CCSER1: variants seen among roughly 807,000 people sequenced by gnomAD.
CCSER1 encodes the protein serine-rich coiled-coil domain-containing protein 1.
CCSER1 carries 41 observed loss-of-function variants against 82.0 expected under a neutral mutation model. The ratio of observed to expected loss-of-function variants is 0.50; its 90% CI spans 0.39 to 0.65. CCSER1 has a LOEUF of 0.65. Ranked by LOEUF, CCSER1 falls within the 30% of genes least tolerant of loss-of-function variation. The pLI, the probability that CCSER1 is intolerant of heterozygous loss-of-function variation, is 0.00. For missense variants in CCSER1, 1,119 were observed against 1,064.2 expected (o/e 1.05, Z -0.72); for synonymous variants, 414 against 383.9 (o/e 1.08, Z -0.92).
intron 5 of CCSER1, among the ~76,000 whole-genome samples, chr4:90,526,011 G>C (rs1232008604): frequency 6.6e-6 from 1 of 151,966 alleles, no homozygotes; most frequent in African/African-American, 2.4e-5. Context: ...TATCAACTTA[G>C]TTAAAAAAAT....
At chr4:91,050,387 C>T (rs1017250867) in intron 9 of CCSER1, among the ~76,000 whole-genome samples, 17 of 149,752 alleles carry the variant, frequency 1.1e-4, no homozygotes, top group South Asian at 2.1e-4. Context: ...GCAGAGATTG[C>T]GCCACTGCAC....
intron 5 of CCSER1, among the ~76,000 whole-genome samples, chr4:90,570,395 T>G (rs2153653643): frequency 6.6e-6 from 1 of 152,258 alleles, no homozygotes; most frequent in East Asian, 1.9e-4. Flanking sequence ...AACCCTGGGC[T>G]GTGGGCACTA....
At chr4:90,569,464 C>T (rs143201403) in intron 5 of CCSER1, among the ~76,000 whole-genome samples, 66 of 152,264 alleles carry the variant, frequency 4.3e-4, no homozygotes, top group Admixed American at 2.3e-3. Flanking sequence ...GATGTCTGCT[C>T]AAAGTAGTTG....
chr4:90,660,295 A>T (rs570857076), intron 6 of CCSER1, among the ~76,000 whole-genome samples: 1 of 152,218 alleles, frequency 6.6e-6, no homozygotes, highest in South Asian at 2.1e-4. Flanking sequence ...TCCATCGTCG[A>T]TGGACAAATG....
chr4:91,547,320 G>A (rs984102103), intron 10 of CCSER1, among the ~76,000 whole-genome samples: 5 of 152,008 alleles, frequency 3.3e-5, no homozygotes, highest in African/African-American at 1.2e-4. Context: ...CTATGATAAT[G>A]GATTCATCTA....
intron 4 of CCSER1, chr4:90,404,147 A>G (rs765154891): frequency 7.2e-5 from 11 of 152,236 alleles, no homozygotes; most frequent in Admixed American, 2.0e-4. Flanking sequence ...TAGGCCCTTA[A>G]GACCGTGGGC....
rs1333164059 is a variant in CCSER1 at position 90,231,223 on chromosome 4, A to G, written c.-41-77021A>G. ...ATGAACATTGATGCAAAAATCCTCA[A>G]TAAAATACTGGCAAACTGAATCCAA... On this transcript the variant is annotated intron_variant, in intron 1 of 10. Transcript: ENST00000509176. Among the ~76,000 whole-genome samples the G allele has an allele frequency of 3.9e-5, 6 of 152,182 alleles. No individual in the cohort carries two copies. In the East Asian group the frequency reaches 5.8e-4, roughly 15 times the overall value.
intron 10 of CCSER1, among the ~76,000 whole-genome samples, chr4:91,130,351 T>A (rs1254160154): frequency 6.6e-6 from 1 of 151,968 alleles, no homozygotes; most frequent in Non-Finnish European, 1.5e-5. Context: ...TCTTTCAATT[T>A]GAATTTATAA....
At chr4:91,597,917 T>A (rs1420101516) in intron 10 of CCSER1, among the ~76,000 whole-genome samples, 1 of 152,220 alleles carries the variant, frequency 6.6e-6, no homozygotes, top group Non-Finnish European at 1.5e-5. Context: ...TGCCTTGTTA[T>A]TACTAGAGTA....
chr4:90,500,600 G>C (rs1489474327), intron 5 of CCSER1, among the ~76,000 whole-genome samples: 1 of 152,092 alleles, frequency 6.6e-6, no homozygotes, highest in East Asian at 1.9e-4. Flanking sequence ...TAAAGTGCTA[G>C]GATTACCGGC....
chr4:90,147,797 A>G (rs1486020826), intron 1 of CCSER1, among the ~76,000 whole-genome samples: 1 of 152,202 alleles, frequency 6.6e-6, no homozygotes, highest in Non-Finnish European at 1.5e-5. Context: ...GATTGTGAAC[A>G]TATGCTATGT....
At chr4:91,007,525 T>C (rs926579812) in intron 9 of CCSER1, among the ~76,000 whole-genome samples, 1 of 152,150 alleles carries the variant, frequency 6.6e-6, no homozygotes, top group Non-Finnish European at 1.5e-5. Context: ...CTTGTATGTG[T>C]CCAGGAATTT....
intron 10 of CCSER1, among the ~76,000 whole-genome samples, chr4:91,594,507 T>A (rs72503742): frequency 6.7e-6 from 1 of 150,148 alleles, no homozygotes; most frequent in Non-Finnish European, 1.5e-5. Flanking sequence ...ATCAGATCTA[T>A]CTATATCTAT....
At chr4:90,991,403 C>T (rs1411566633) in intron 9 of CCSER1, among the ~76,000 whole-genome samples, 2 of 152,064 alleles carry the variant, frequency 1.3e-5, no homozygotes, top group East Asian at 3.9e-4. Context: ...TCTCTGAAGC[C>T]TTTAAAGAGA....
intron 1 of CCSER1, among the ~76,000 whole-genome samples, chr4:90,278,287 A>G (rs528154145): frequency 1.6e-4 from 24 of 152,184 alleles, no homozygotes; most frequent in Non-Finnish European, 2.8e-4. Flanking sequence ...CAAAGTACTA[A>G]GTGTTGAACT....
chr4:91,295,759 T>A (rs1363112769), intron 10 of CCSER1, among the ~76,000 whole-genome samples: 3 of 152,056 alleles, frequency 2.0e-5, no homozygotes, highest in African/African-American at 7.2e-5. Flanking sequence ...TGATAGCACA[T>A]CACAGTTTTC....
At chr4:90,307,897 A>G (rs1734601091) in intron 1 of CCSER1, among the ~76,000 whole-genome samples, 1 of 152,186 alleles carries the variant, frequency 6.6e-6, no homozygotes, top group African/African-American at 2.4e-5. Flanking sequence ...AAATAAACAT[A>G]AAAAGTTAAG....
chr4:91,109,646 T>C (rs1725929486), intron 10 of CCSER1, among the ~76,000 whole-genome samples: 2 of 152,008 alleles, frequency 1.3e-5, no homozygotes, highest in Admixed American at 6.6e-5. Flanking sequence ...AGTTCAAGAG[T>C]TGGCAACAAG....
At chr4:91,028,132 T>G (rs1305451285) in intron 9 of CCSER1, among the ~76,000 whole-genome samples, 1 of 152,004 alleles carries the variant, frequency 6.6e-6, no homozygotes, top group Non-Finnish European at 1.5e-5. Context: ...TACTTGTATA[T>G]CCAAAATTTA....
Sources: allele counts gnomAD v4.1 joint callset (sites outside exome capture counted in the v4.1 genomes callset), GRCh38; gene constraint gnomAD v4.1.1; transcripts MANE v1.5; gene names NCBI Gene and HGNC (gene_info 2026-07-23, HGNC 2026-07-21).